The following RGS7 variants were observed in gnomAD, a reference collection of about 807,000 sequenced individuals.
RGS7 encodes the protein regulator of G protein signaling 7.
A neutral mutation model predicts 81.1 loss-of-function variants in RGS7; 27 were observed. That is an observed-to-expected ratio of 0.33 (90% CI 0.25 to 0.46). The LOEUF is 0.46. Among genes scored for constraint, RGS7 ranks in the 20% least tolerant of loss-of-function variants. The probability of loss-of-function intolerance (pLI) is 1.00; values close to 1 mark genes in which losing one functional copy is unlikely to be tolerated. For synonymous variants in RGS7, 208 were observed against 207.7 expected (o/e 1.00, Z -0.01); for missense variants, 396 against 607.4 (o/e 0.65, Z 3.66).
intron 16 of RGS7, 47 bp from the exon 17 acceptor site, chr1:240,801,555 T>A: frequency 7.6e-7 from 1 of 1,307,828 alleles, no homozygotes; most frequent in Non-Finnish European, 1.1e-6. Context: ...AAGGGAAGAT[T>A]AAAAAAAAGA....
chr1:241,122,355 TA>T (rs1319426580), intron 2 of RGS7, among the ~76,000 whole-genome samples: 3 of 152,072 alleles, frequency 2.0e-5, no homozygotes, highest in African/African-American at 4.8e-5. Context: ...ATATTGTAAG[TA>T]AAAATGCATT....
chr1:240,904,143 A>G (rs1236975299), intron 6 of RGS7, among the ~76,000 whole-genome samples: 1 of 152,198 alleles, frequency 6.6e-6, no homozygotes, highest in African/African-American at 2.4e-5. Flanking sequence ...CTTAGTTCCA[A>G]GACACAACAT....
chr1:241,192,284 T>C (rs1279202878), intron 2 of RGS7, among the ~76,000 whole-genome samples: 1 of 140,538 alleles, frequency 7.1e-6, no homozygotes, highest in Non-Finnish European at 1.6e-5. Flanking sequence ...TGTGTGTGTG[T>C]GTTTGGTTTG....
intron 5 of RGS7, 93 bp downstream of exon 5, chr1:240,936,505 CAT>C (rs1676661166): frequency 1.1e-6 from 1 of 913,788 alleles, no homozygotes; most frequent in Non-Finnish European, 1.8e-6. Context: ...TAAAATAAGT[CAT>C]AGTTTTTAAA....
chr1:240,893,661 C>T (rs1254641414), intron 6 of RGS7, among the ~76,000 whole-genome samples: 2 of 151,846 alleles, frequency 1.3e-5, no homozygotes, highest in African/African-American at 4.8e-5. Flanking sequence ...TCTGCAGTTC[C>T]ACTGAACAAC....
chr1:241,087,736 G>T (rs2063531609), intron 3 of RGS7, among the ~76,000 whole-genome samples: 1 of 152,002 alleles, frequency 6.6e-6, no homozygotes, highest in Non-Finnish European at 1.5e-5. Flanking sequence ...ATCACTTGAG[G>T]TCAGCAGTTT....
intron 2 of RGS7, among the ~76,000 whole-genome samples, chr1:241,205,988 AT>A (rs1170983901): frequency 6.7e-6 from 1 of 149,698 alleles, no homozygotes; most frequent in Non-Finnish European, 1.5e-5. Flanking sequence ...CTAGACAGTA[AT>A]TTCGTAAGTG....
intron 10 of RGS7, chr1:240,823,355 C>G: frequency 2.0e-6 from 1 of 497,000 alleles, no homozygotes; most frequent in South Asian, 1.8e-5. Context: ...AAATTAGCTG[C>G]GGAGATGCCC....
intron 2 of RGS7, among the ~76,000 whole-genome samples, chr1:241,101,222 A>G (rs1272717018): frequency 1.3e-5 from 2 of 152,224 alleles, no homozygotes; most frequent in African/African-American, 4.8e-5. Flanking sequence ...GATGCTGGGC[A>G]CGGTGGCTCA....
intron 18 of RGS7, among the ~76,000 whole-genome samples, chr1:240,798,904 C>T (rs1470578060): frequency 6.6e-6 from 1 of 152,064 alleles, no homozygotes; most frequent in Non-Finnish European, 1.5e-5. Flanking sequence ...GTAGAGGATT[C>T]CTTTAAAATA....
chr1:241,243,888 C>A (rs1224969125), intron 2 of RGS7, among the ~76,000 whole-genome samples: 1 of 151,954 alleles, frequency 6.6e-6, no homozygotes, highest in Non-Finnish European at 1.5e-5. Flanking sequence ...TTTCATTATT[C>A]AAAGAACATT....
At chr1:241,229,779 T>C (rs1401390467) in intron 2 of RGS7, among the ~76,000 whole-genome samples, 1 of 152,174 alleles carries the variant, frequency 6.6e-6, no homozygotes, top group East Asian at 1.9e-4. Context: ...TTCCGGGAAA[T>C]GATCAGAACT....
At chr1:241,151,640 T>A (rs2068765241) in intron 2 of RGS7, among the ~76,000 whole-genome samples, 1 of 148,512 alleles carries the variant, frequency 6.7e-6, no homozygotes, top group Non-Finnish European at 1.5e-5. Flanking sequence ...TACATAGGTA[T>A]ACACATGCCA....
intron 18 of RGS7, among the ~76,000 whole-genome samples, chr1:240,800,155 T>C (rs1687797376): frequency 6.6e-6 from 1 of 152,190 alleles, no homozygotes; most frequent in African/African-American, 2.4e-5. Context: ...TCCAGCAAAA[T>C]CTTGGAGAAT....
intron 16 of RGS7, 54 bp from the exon 17 acceptor site, chr1:240,801,562 A>G: frequency 2.4e-6 from 3 of 1,228,810 alleles, no homozygotes; most frequent in African/African-American, 1.5e-5. Flanking sequence ...GATTAAAAAA[A>G]AGAAAGAAAG....
intron 3 of RGS7, among the ~76,000 whole-genome samples, chr1:241,094,841 A>G (rs988664303): frequency 6.6e-6 from 1 of 152,196 alleles, no homozygotes; most frequent in African/African-American, 2.4e-5. Flanking sequence ...TATGGGCATT[A>G]CTTGGCCACC....
intron 2 of RGS7, among the ~76,000 whole-genome samples, chr1:241,131,360 A>G (rs2103039965): frequency 6.6e-6 from 1 of 152,316 alleles, no homozygotes; most frequent in East Asian, 1.9e-4. Flanking sequence ...TTGAGTTTGC[A>G]TCAGAATCAC....
intron 2 of RGS7, among the ~76,000 whole-genome samples, chr1:241,240,769 T>C (rs1363056656): frequency 1.3e-5 from 2 of 152,188 alleles, no homozygotes; most frequent in African/African-American, 4.8e-5. Context: ...TGACATATAG[T>C]TTTAAATTAT....
intron 3 of RGS7, among the ~76,000 whole-genome samples, chr1:241,046,371 G>A (rs2060932922): frequency 2.0e-5 from 3 of 147,586 alleles, no homozygotes; most frequent in Admixed American, 1.4e-4. Flanking sequence ...TGTACTTAAT[G>A]TATAGCTCCC....
Sources: gnomAD v4.1 joint callset for allele counts (sites outside exome capture counted in the v4.1 genomes callset) on GRCh38, gnomAD v4.1.1 for gene constraint, MANE v1.5 for transcripts, NCBI Gene and HGNC (gene_info 2026-07-23, HGNC 2026-07-21) for gene names.